The following MIA2 variants were observed in gnomAD, a reference collection of about 807,000 sequenced individuals.
The protein encoded by MIA2 is MIA SH3 domain ER export factor 2, also known as melanoma inhibitory activity protein 2.
A neutral mutation model predicts 167.8 loss-of-function variants in MIA2; 127 were observed. That is an observed-to-expected ratio of 0.76 (90% CI 0.66 to 0.88). The LOEUF (loss-of-function observed/expected upper bound fraction) is 0.88. Among genes scored for constraint, MIA2 ranks in the 40% least tolerant of loss-of-function variants. The pLI, the probability that MIA2 is intolerant of heterozygous loss-of-function variation, is 0.00. For missense variants in MIA2, 1,690 were observed against 1,624.7 expected, an observed-to-expected ratio of 1.04 and a Z score of -0.69; for synonymous variants, 552 against 541.9, an observed-to-expected ratio of 1.02 and a Z score of -0.26.
intron 23 of MIA2, chr14:39,370,555 A>C (rs1036404701): frequency 8.0e-6 from 3 of 375,642 alleles, no homozygotes; most frequent in African/African-American, 6.4e-5. Context: ...GATATGCACC[A>C]CCGTGTTGCT....
intron 6 of MIA2, among the ~76,000 whole-genome samples, chr14:39,273,351 GT>G (rs34686676): frequency 0.88 from 132,492 of 151,138 alleles, 58,390 homozygotes; most frequent in East Asian, 0.96. Flanking sequence ...AGTGTGTTTT[GT>G]TTTTTTTGTT....
At chr14:39,385,325 A>T (rs936477693) in intron 23 of MIA2, 19 of 617,858 alleles carry the variant, frequency 3.1e-5, no homozygotes, top group East Asian at 8.9e-5. Context: ...AATCCTCTTT[A>T]AAAAAAAAAG....
At chr14:39,293,784 C>T (rs2061042544) in intron 11 of MIA2, among the ~76,000 whole-genome samples, 1 of 152,080 alleles carries the variant, frequency 6.6e-6, no homozygotes. Context: ...GCCTATATAA[C>T]TTAAATGTTA....
chr14:39,332,896 G>T (rs541806696), intron 25 of MIA2, among the ~76,000 whole-genome samples: 1 of 152,120 alleles, frequency 6.6e-6, no homozygotes, highest in East Asian at 1.9e-4. Context: ...ACAATTTCTT[G>T]TGATCTATCT....
chr14:39,347,430 A>T, intron 26 of MIA2: 1 of 380,672 alleles, frequency 2.6e-6, no homozygotes, highest in Non-Finnish European at 4.7e-6. Context: ...AGAAGGAAGG[A>T]GGGAGATGCT....
chr14:39,272,061 A>G (rs2057253549), intron 6 of MIA2, among the ~76,000 whole-genome samples: 1 of 151,732 alleles, frequency 6.6e-6, no homozygotes, highest in Non-Finnish European at 1.5e-5. Flanking sequence ...AATGTAGACA[A>G]CTAATTAGGA....
At chr14:39,267,223 C>A in intron 6 of MIA2, 1 of 1,358,896 alleles carries the variant, frequency 7.4e-7, no homozygotes, top group East Asian at 3.0e-5. Context: ...CGGGCTCGGA[C>A]CTGCGCTGCC....
intron 21 of MIA2, among the ~76,000 whole-genome samples, chr14:39,315,974 TA>T (rs1566892860): frequency 2.0e-4 from 30 of 152,214 alleles, no homozygotes; most frequent in Non-Finnish European, 5.9e-5. Flanking sequence ...GGGAAGGTGA[TA>T]TAATGTTCAT....
rs190000647 is a variant in MIA2 at position 39,280,625 on chromosome 14, C to T, written c.2130+1088C>T. Among the ~76,000 whole-genome samples the T allele has an allele frequency of 9.2e-5, 14 of 151,950 alleles. No individual in the cohort carries two copies. The East Asian group carries it at 1.7e-3, about 19-fold the overall frequency. ...GTGGGTACCTGTAGTCCCAGCTACT[C>T]GGGAGGCTGAGGCAGGAGAATGGCG... On this transcript the variant is annotated intron_variant, in intron 9 of 28. Transcript: ENST00000640607.
At chr14:39,317,327 G>T (rs3783293) in intron 21 of MIA2, among the ~76,000 whole-genome samples, 2 of 152,286 alleles carry the variant, frequency 1.3e-5, no homozygotes, top group East Asian at 3.9e-4. Context: ...GAGCAGACGG[G>T]TCTGGGCAGA....
chr14:39,326,196 T>G (rs1178343671), intron 24 of MIA2, among the ~76,000 whole-genome samples: 1 of 152,268 alleles, frequency 6.6e-6, no homozygotes, highest in East Asian at 1.9e-4. Flanking sequence ...AGACTTGTCT[T>G]CAGAACTTAT....
intron 9 of MIA2, among the ~76,000 whole-genome samples, chr14:39,280,585 T>A (rs550608648): frequency 5.3e-5 from 8 of 152,084 alleles, no homozygotes; most frequent in Admixed American, 3.9e-4. Flanking sequence ...ACAAAAAAAT[T>A]AGCCAAGTGT....
At chr14:39,284,147 T>A (rs185371595) in intron 9 of MIA2, among the ~76,000 whole-genome samples, 1 of 152,296 alleles carries the variant, frequency 6.6e-6, no homozygotes, top group East Asian at 1.9e-4. Context: ...GTCAGGGAGC[T>A]TTTTCCCTGT....
intron 6 of MIA2, among the ~76,000 whole-genome samples, chr14:39,275,999 A>C (rs10151659): frequency 0.32 from 48,960 of 152,100 alleles, 8,387 homozygotes; most frequent in East Asian, 0.5. Flanking sequence ...AAAGGGCCTA[A>C]AAGGAAGATT....
intron 2 of MIA2, among the ~76,000 whole-genome samples, chr14:39,237,611 T>G (rs1309922812): frequency 1.3e-5 from 2 of 152,200 alleles, no homozygotes; most frequent in African/African-American, 2.4e-5. Flanking sequence ...AGAGAATGCC[T>G]TGAATTTATT....
intron 7 of MIA2, among the ~76,000 whole-genome samples, chr14:39,277,600 C>T (rs28626340): frequency 0.25 from 33,285 of 135,702 alleles, 4,634 homozygotes; most frequent in East Asian, 0.47. Flanking sequence ...CCTCCTGCCT[C>T]GGCCTCCCAA....
Position 39,325,413 on chromosome 14 carries a change from A to G in MIA2, c.3497-1451A>G, listed in dbSNP as rs1256892724. Among the ~76,000 whole-genome samples the G allele has an allele frequency of 5.6e-5, 8 of 143,214 alleles. No homozygotes were observed. The South Asian group carries it at 1.1e-3, about 20-fold the overall frequency. 94.0% of individuals were successfully genotyped at this position (143,214 alleles called of 152,430 possible). On this transcript the variant is annotated intron_variant, in intron 24 of 28. Coordinates refer to ENST00000640607, the MANE Select transcript of MIA2 (RefSeq NM_001329214.4). ...GATGGAGTCTCGCTCTATCCCCCAG[A>G]CTGGTGTGCAGTGGCATGATCTTGG...
chr14:39,306,167 A>C (rs1022112369), intron 17 of MIA2, among the ~76,000 whole-genome samples: 4 of 152,092 alleles, frequency 2.6e-5, no homozygotes, highest in South Asian at 4.2e-4. Context: ...AATTTCCTAT[A>C]CATTTAATCA....
intron 23 of MIA2, chr14:39,386,274 A>G (rs758271127): frequency 5.6e-5 from 81 of 1,448,202 alleles, no homozygotes; most frequent in Non-Finnish European, 7.7e-5. Context: ...TCAGTCGGTA[A>G]TTTCTCTGAG....
Sources: gnomAD v4.1 joint callset for allele counts (sites outside exome capture counted in the v4.1 genomes callset) on GRCh38, gnomAD v4.1.1 for gene constraint, MANE v1.5 for transcripts, NCBI Gene and HGNC (gene_info 2026-07-23, HGNC 2026-07-21) for gene names.